The following UNCX variants were observed in gnomAD, a reference collection of about 807,000 sequenced individuals.
UNCX encodes the protein UNC homeobox.
A neutral mutation model predicts 14.8 loss-of-function variants in UNCX; 4 were observed. The observed-to-expected ratio is 0.27, with a 90% CI of 0.13 to 0.62. The LOEUF is 0.62. Ranked by LOEUF, UNCX falls within the 20% of genes least tolerant of loss-of-function variation. The probability of loss-of-function intolerance (pLI) is 0.86; values close to 1 mark genes in which losing one functional copy is unlikely to be tolerated. For synonymous variants in UNCX, 459 were observed against 395.8 expected, an observed-to-expected ratio of 1.16 and a Z score of -1.90; for missense variants, 749 against 786.8, an observed-to-expected ratio of 0.95 and a Z score of 0.58.
Position 1,236,489 on chromosome 7 carries a change from C to G in UNCX, c.1108C>G (p.Arg370Gly). ...CGCGCCCGGGCTGCCGTGCGCGCCG[C>G]GGACCCTGATCGGCAAGGGCCACTT... ...DFAPGLPCAPRTLIGKGHFLL... is the reference protein window; with the variant it reads ...DFAPGLPCAPGTLIGKGHFLL... Residue 370 changes from arginine (R) to glycine (G), a missense_variant, in exon 3 of 3, where the codon CGG becomes GGG. Around this residue, in one of 3 missense-constraint regions of UNCX, gnomAD observed 552 missense variants for 507.2 expected, o/e 1.09. Coordinates refer to ENST00000316333, the MANE Select transcript of UNCX (RefSeq NM_001080461.3). This position sits in a 1 kb window ranked among gnomAD's most constrained non-coding sequence, Gnocchi z 6.9. 2.9e-6 allele frequency: 4 copies of G among 1,400,000 alleles called. No individual in the cohort carries two copies. The highest frequency in any genetic ancestry group is 3.7e-6 in the Non-Finnish European group (4 of 1,073,264). 86.7% of individuals were successfully genotyped at this position (1,400,000 alleles called of 1,614,324 possible). A position where few individuals can be genotyped will look rare whatever the true frequency, so the allele number is the denominator to read the frequency against.
rs1778690498 is a variant in UNCX, at chr7:1,233,823, G to A, written c.450+128G>A. 1.6e-6 allele frequency: 2 copies of A among 1,222,538 alleles called. No individual in the cohort carries two copies. Among genetic ancestry groups the A allele is most frequent in the South Asian group, 3.2e-5 (2 of 63,394 alleles). 75.7% of individuals were successfully genotyped at this position (1,222,538 alleles called of 1,614,324 possible). On this transcript the variant is annotated intron_variant, in intron 2 of 2. Coordinates refer to ENST00000316333, the MANE Select transcript of UNCX (RefSeq NM_001080461.3). The surrounding 1 kb of genome is among the most constrained non-coding windows in gnomAD (Gnocchi z 5.3). ...GGGCCCGCTTCGCGCTCGCCTGCTG[G>A]GGAAGAGTGGAGGGGTGGGGGTTCT...
In UNCX at chr7:1,233,249, G is replaced by A; in HGVS notation, c.232G>A (p.Ala78Thr). 7.3e-7 allele frequency: 1 copy of A among 1,365,210 alleles called. No homozygotes were observed. Among genetic ancestry groups the A allele is most frequent in the Admixed American group, 3.7e-5 (1 of 26,768 alleles). 84.6% of individuals were successfully genotyped at this position (1,365,210 alleles called of 1,614,324 possible). A position where few individuals can be genotyped will look rare whatever the true frequency, so the allele number is the denominator to read the frequency against. ...CAACCCCACGCCGCTGCTGCCAGCC[G>A]CCTGCGGGGTCGGCGGGGACGGCCA... ...VVNPTPLLPA[A>T]CGVGGDGQPF... The change falls in exon 1 of 3, where the codon GCC becomes ACC. Residue 78 changes from alanine (A) to threonine (T), a missense_variant. Physicochemically the swap from Ala to Thr is moderately conservative, Grantham distance 58 (BLOSUM62 0). Around this residue, in one of 3 missense-constraint regions of UNCX, gnomAD observed 155 missense variants for 166.7 expected, o/e 0.93. Coordinates refer to ENST00000316333, the MANE Select transcript of UNCX (RefSeq NM_001080461.3). The surrounding 1 kb of genome is among the most constrained non-coding windows in gnomAD (Gnocchi z 5.3).
chr7:1,233,421 C>A lies in UNCX; in HGVS notation c.275-99C>A, dbSNP rs1013059730. On this transcript the variant is annotated intron_variant, in intron 1 of 2. Coordinates refer to ENST00000316333, the MANE Select transcript of UNCX (RefSeq NM_001080461.3). The surrounding 1 kb of genome is among the most constrained non-coding windows in gnomAD (Gnocchi z 5.3). ...CCTAGGCGGCCGTCTCTGCGCCCCC[C>A]CCCCCGGATCCAGGCGGCCAGCGGG... is the stretch of plus-strand genomic sequence containing the variant. 5.1e-6 allele frequency: 7 copies of A among 1,376,152 alleles called. No individual in the cohort carries two copies. The highest frequency in any genetic ancestry group is 1.7e-5 in the South Asian group (1 of 60,276). 85.2% of individuals were successfully genotyped at this position (1,376,152 alleles called of 1,614,324 possible).
intron 2 of UNCX, among the ~76,000 whole-genome samples, chr7:1,234,199 C>T (rs909387024): frequency 6.6e-6 from 1 of 152,064 alleles, no homozygotes; most frequent in African/African-American, 2.4e-5. Context: ...ATTTATTCAT[C>T]GCTTTGCAGA....
At chr7:1,235,350 G>C (rs1047550922) in intron 2 of UNCX, among the ~76,000 whole-genome samples, 4 of 152,274 alleles carry the variant, frequency 2.6e-5, no homozygotes, top group Non-Finnish European at 5.9e-5. Flanking sequence ...TGTGGGCTTT[G>C]ACACAGTCTC....
chr7:1,236,801 G>A lies in UNCX; in HGVS notation c.1420G>A (p.Gly474Arg), dbSNP rs1778753187. The A allele has an allele frequency of 1.0e-6, 1 of 986,638 alleles. No homozygotes were observed. Among genetic ancestry groups the A allele is most frequent in the Non-Finnish European group, 1.2e-6 (1 of 832,442 alleles). 61.1% of individuals were successfully genotyped at this position (986,638 alleles called of 1,614,324 possible). The part of the protein sequence containing the change: ...ASAAATEGGG[G>R]DCADAGTAGP... ...GGCAGCGGCTACCGAGGGCGGCGGCGGGGACTGCGCGGACGCGGGGACCGC... is the reference window on the plus strand; with the variant it reads ...GGCAGCGGCTACCGAGGGCGGCGGCAGGGACTGCGCGGACGCGGGGACCGC... The change falls in exon 3 of 3, where the codon GGG becomes AGG. Residue 474 changes from glycine (G) to arginine (R), a missense_variant. This residue lies in a region of UNCX where 552 missense variants were observed against 507.2 expected (regional missense o/e 1.09). Transcript: ENST00000316333. The surrounding 1 kb of genome is among the most constrained non-coding windows in gnomAD (Gnocchi z 6.9).
Position 1,237,254 on chromosome 7 carries a change from T to G in UNCX, c.*277T>G. The G allele has an allele frequency of 5.9e-6, 1 of 168,720 alleles. No homozygotes were observed. The highest frequency in any genetic ancestry group is 1.3e-5 in the Non-Finnish European group (1 of 79,490). 10.5% of individuals were successfully genotyped at this position (168,720 alleles called of 1,614,324 possible). A position where few individuals can be genotyped will look rare whatever the true frequency, so the allele number is the denominator to read the frequency against. Reference sequence around the variant, plus strand: ...AACCCCACAACGAGAATCCTCAGCCTTGTAAAATGCAAAAATGTCTAAGAA... The same window carrying G: ...AACCCCACAACGAGAATCCTCAGCCGTGTAAAATGCAAAAATGTCTAAGAA... On this transcript the variant is annotated 3_prime_UTR_variant, in exon 3 of 3. Transcript: ENST00000316333. The surrounding 1 kb of genome is among the most constrained non-coding windows in gnomAD (Gnocchi z 5.8).
Position 1,236,128 on chromosome 7 carries a change from G to C in UNCX, c.747G>C (p.Pro249=). ...GCCTGTCTCCGGAGCCGCCCGAGCC[G>C]CCGCCGCCCGCCGCCAAGGGCCCCG... is the stretch of plus-strand genomic sequence containing the variant. ...GGGLSPEPPE[P]PPPAAKGPGA... The change falls in exon 3 of 3, where the codon CCG becomes CCC. Residue 249 remains proline, a synonymous_variant. Transcript: ENST00000316333. This position sits in a 1 kb window ranked among gnomAD's most constrained non-coding sequence, Gnocchi z 6.9. The C allele has an allele frequency of 7.8e-7, 1 of 1,275,086 alleles. No individual in the cohort carries two copies. The highest frequency in any genetic ancestry group is 9.9e-7 in the Non-Finnish European group (1 of 1,012,866). 79.0% of individuals were successfully genotyped at this position (1,275,086 alleles called of 1,614,324 possible). A position where few individuals can be genotyped will look rare whatever the true frequency, so the allele number is the denominator to read the frequency against.
rs765306887 is a variant in UNCX at position 1,236,276 on chromosome 7, C to G, written c.895C>G (p.Pro299Ala). ...AAGCGGCGCCGGCCCACAGCCGCGC[C>G]CAGGTCGCCCTGCGGACAAGGACGC... ...QRSGAGPQPR[P>A]GRPADKDAAS... Residue 299 changes from proline to alanine, a missense_variant, in exon 3 of 3, where the codon CCA (proline) becomes GCA (alanine). By Grantham distance (27) the Pro-to-Ala change is conservative. Transcript: ENST00000316333. The surrounding 1 kb of genome is among the most constrained non-coding windows in gnomAD (Gnocchi z 6.9). The G allele has an allele frequency of 7.3e-7, 1 of 1,377,174 alleles. No individual in the cohort carries two copies. Among genetic ancestry groups the G allele is most frequent in the South Asian group, 1.4e-5 (1 of 72,074 alleles). 85.3% of individuals were successfully genotyped at this position (1,377,174 alleles called of 1,614,324 possible).
chr7:1,236,124 A>C lies in UNCX; in HGVS notation c.743A>C (p.Glu248Ala). Reference protein sequence around the residue: ...GGGGLSPEPPEPPPPAAKGPG... With the variant: ...GGGGLSPEPPAPPPPAAKGPG... The stretch of plus-strand genomic sequence containing the variant: ...GGCGGCCTGTCTCCGGAGCCGCCCG[A>C]GCCGCCGCCGCCCGCCGCCAAGGGC... The change falls in exon 3 of 3, where the codon GAG becomes GCG. Residue 248 changes from glutamate to alanine, a missense_variant. Physicochemically the swap from Glu to Ala is moderately radical, Grantham distance 107. Around this residue, in one of 3 missense-constraint regions of UNCX, gnomAD observed 552 missense variants for 507.2 expected, o/e 1.09. Transcript: ENST00000316333. This position sits in a 1 kb window ranked among gnomAD's most constrained non-coding sequence, Gnocchi z 6.9. 1.0e-5 allele frequency: 13 copies of C among 1,299,046 alleles called. No individual in the cohort carries two copies. Among genetic ancestry groups the C allele is most frequent in the Non-Finnish European group, 1.3e-5 (13 of 1,026,660 alleles). 80.5% of individuals were successfully genotyped at this position (1,299,046 alleles called of 1,614,324 possible).
At chr7:1,234,311 C>T (rs1231446497) in intron 2 of UNCX, among the ~76,000 whole-genome samples, 3 of 152,222 alleles carry the variant, frequency 2.0e-5, no homozygotes, top group Non-Finnish European at 4.4e-5. Flanking sequence ...ACCCCGGTCT[C>T]ATCTTTTTCT....
Position 1,236,126 on chromosome 7 carries a change from C to T in UNCX, c.745C>T (p.Pro249Ser), listed in dbSNP as rs1015629852. 7.9e-7 allele frequency: 1 copy of T among 1,272,692 alleles called. No individual in the cohort carries two copies. Among genetic ancestry groups the T allele is most frequent in the Non-Finnish European group, 9.9e-7 (1 of 1,011,176 alleles). 78.8% of individuals were successfully genotyped at this position (1,272,692 alleles called of 1,614,324 possible). Residue 249 changes from proline (P) to serine (S), a missense_variant, in exon 3 of 3, where the codon CCG becomes TCG. Coordinates refer to ENST00000316333, the MANE Select transcript of UNCX (RefSeq NM_001080461.3). The surrounding 1 kb of genome is among the most constrained non-coding windows in gnomAD (Gnocchi z 6.9). ...GGGLSPEPPE[P>S]PPPAAKGPGA... ...CGGCCTGTCTCCGGAGCCGCCCGAG[C>T]CGCCGCCGCCCGCCGCCAAGGGCCC...
At chr7:1,234,622 C>A (rs1778705981) in intron 2 of UNCX, among the ~76,000 whole-genome samples, 1 of 150,082 alleles carries the variant, frequency 6.7e-6, no homozygotes, top group Non-Finnish European at 1.5e-5. Context: ...CCTCTCATGA[C>A]CTCTTCTGCT....
chr7:1,235,879 G>T lies in UNCX; in HGVS notation c.498G>T (p.Thr166=), dbSNP rs761473132. Residue 166 remains threonine (T), a synonymous_variant, in exon 3 of 3, where the codon ACG becomes ACT. Transcript: ENST00000316333. The part of the protein sequence containing the change: ...RRAKWRKKEN[T]KKGPGRPAHN... ...CCAAGTGGAGGAAGAAGGAGAACACGAAAAAGGGCCCGGGGCGGCCGGCGC... is the reference window on the plus strand; with the variant it reads ...CCAAGTGGAGGAAGAAGGAGAACACTAAAAAGGGCCCGGGGCGGCCGGCGC... The T allele has an allele frequency of 3.7e-6, 6 of 1,612,152 alleles. No individual in the cohort carries two copies. The highest frequency in any genetic ancestry group is 1.9e-4 in the Middle Eastern group (1 of 5,386).
intron 2 of UNCX, among the ~76,000 whole-genome samples, chr7:1,234,056 C>T (rs1383911090): frequency 6.6e-6 from 1 of 151,626 alleles, no homozygotes; most frequent in African/African-American, 2.4e-5. Flanking sequence ...GGCTCCGACC[C>T]GGAGGAGAGA....
Position 1,237,096 on chromosome 7 carries a change from T to C in UNCX, c.*119T>C. ...ACTGCTTTCCCTTCTTTTCTTTTGT[T>C]TTCTTTCTTTTATTATTTTTTTTAA... On this transcript the variant is annotated 3_prime_UTR_variant, in exon 3 of 3. Coordinates refer to ENST00000316333, the MANE Select transcript of UNCX (RefSeq NM_001080461.3). The surrounding 1 kb of genome is among the most constrained non-coding windows in gnomAD (Gnocchi z 5.8). 1.1e-6 allele frequency: 1 copy of C among 896,590 alleles called. No homozygotes were observed. Among genetic ancestry groups the C allele is most frequent in the Non-Finnish European group, 1.4e-6 (1 of 734,430 alleles). The allele number at this position is 896,590 out of a possible 1,614,324, so 55.5% of individuals were successfully genotyped here. A position where few individuals can be genotyped will look rare whatever the true frequency, so the allele number is the denominator to read the frequency against.
At chr7:1,234,569 A>G (rs933432913) in intron 2 of UNCX, among the ~76,000 whole-genome samples, 7 of 151,362 alleles carry the variant, frequency 4.6e-5, no homozygotes, top group African/African-American at 1.7e-4. Context: ...TTTATCACCA[A>G]TAGCTTTGTC....
At position 1,236,119 on chromosome 7, in the gene UNCX, G is replaced by T. The variant is rs1258032674; in HGVS notation, c.738G>T (p.Pro246=). 7.6e-7 allele frequency: 1 copy of T among 1,320,754 alleles called. No individual in the cohort carries two copies. Among genetic ancestry groups the T allele is most frequent in the Admixed American group, 4.1e-5 (1 of 24,286 alleles). 81.8% of individuals were successfully genotyped at this position (1,320,754 alleles called of 1,614,324 possible). ...GCGGCGGCGGCCTGTCTCCGGAGCC[G>T]CCCGAGCCGCCGCCGCCCGCCGCCA... ...DSGGGGLSPE[P]PEPPPPAAKG... The change falls in exon 3 of 3, where the codon CCG becomes CCT. Residue 246 remains proline (P), a synonymous_variant. Transcript: ENST00000316333. This position sits in a 1 kb window ranked among gnomAD's most constrained non-coding sequence, Gnocchi z 6.9.
At position 1,236,411 on chromosome 7, in the gene UNCX, C is replaced by A; in HGVS notation, c.1030C>A (p.Arg344Ser). The A allele has an allele frequency of 7.3e-7, 1 of 1,370,066 alleles. No homozygotes were observed. The highest frequency in any genetic ancestry group is 9.4e-7 in the Non-Finnish European group (1 of 1,059,250). 84.9% of individuals were successfully genotyped at this position (1,370,066 alleles called of 1,614,324 possible). A position where few individuals can be genotyped will look rare whatever the true frequency, so the allele number is the denominator to read the frequency against. Residue 344 changes from arginine (R) to serine (S), a missense_variant, in exon 3 of 3, where the codon CGC (arginine) becomes AGC (serine). By Grantham distance (110) the Arg-to-Ser change is moderately radical (BLOSUM62 -1). Coordinates refer to ENST00000316333, the MANE Select transcript of UNCX (RefSeq NM_001080461.3). The surrounding 1 kb of genome is among the most constrained non-coding windows in gnomAD (Gnocchi z 6.9). Reference sequence around the variant, plus strand: ...GAGCCTCCTGTCCGACTCGCCGCCGCGCCGGAAAGCCGCTTCCAACGCCGC... The same window carrying A: ...GAGCCTCCTGTCCGACTCGCCGCCGAGCCGGAAAGCCGCTTCCAACGCCGC... ...VESLLSDSPP[R>S]RKAASNAAAA... is the part of the protein sequence containing the mutation.
Sources: gnomAD v4.1 joint callset for allele counts (sites outside exome capture counted in the v4.1 genomes callset) on GRCh38, gnomAD v4.1.1 for gene constraint, gnomAD v4.1.1 regional missense constraint, Gnocchi (gnomAD v3.1) non-coding constraint, MANE v1.5 for transcripts, NCBI Gene and HGNC (gene_info 2026-07-23, HGNC 2026-07-21) for gene names.